Variants in SLC6A9 observed in about 807,000 individuals in gnomAD.
SLC6A9 encodes the protein solute carrier family 6 member 9.
A neutral mutation model predicts 70.9 loss-of-function variants in SLC6A9; 31 were observed. The ratio of observed to expected loss-of-function variants is 0.44; its 90% CI spans 0.33 to 0.59. SLC6A9 has a LOEUF of 0.59. SLC6A9 is among the 20% of genes least tolerant of loss of function. SLC6A9 has a pLI of 0.04. For synonymous variants in SLC6A9, 310 were observed against 341.3 expected, an observed-to-expected ratio of 0.91 and a Z score of 1.01; for missense variants, 631 against 845.2, an observed-to-expected ratio of 0.75 and a Z score of 3.14.
chr1:44,002,801 G>C lies in SLC6A9; in HGVS notation c.723+52C>G. 1 of 1,609,134 alleles carries C rather than the reference G, an allele frequency of 6.2e-7. No homozygotes were observed. The highest frequency in any genetic ancestry group is 1.3e-5 in the African/African-American group (1 of 74,908). On this transcript the variant is annotated intron_variant, in intron 6 of 13. Coordinates refer to ENST00000372310, the MANE Select transcript of SLC6A9 (RefSeq NM_001024845.3). The surrounding 1 kb of genome is among the most constrained non-coding windows in gnomAD (Gnocchi z 5.5). ...TGCAATACACACATAACCCAGGTAG[G>C]GGGCAGGGTCTTTCTGGGTGGGCAC...
Position 43,997,666 on chromosome 1 carries a change from G to A in SLC6A9, c.1781C>T (p.Ala594Val), listed in dbSNP as rs1027802048. Residue 594 changes from alanine (A) to valine (V), a missense_variant, in exon 14 of 14, where the codon GCC becomes GTC. Coordinates refer to ENST00000372310, the MANE Select transcript of SLC6A9 (RefSeq NM_001024845.3). The surrounding 1 kb of genome is among the most constrained non-coding windows in gnomAD (Gnocchi z 4.4). Reference protein sequence around the residue: ...ALLEHRTGRYAPTIAPSPEDG... With the variant: ...ALLEHRTGRYVPTIAPSPEDG... ...CTCAGGAGAGGGGGCTATGGTGGGG[G>A]CGTAGCGCCCTGTCCGGTGCTCCAG... 2.5e-6 allele frequency: 4 copies of A among 1,613,746 alleles called. No homozygotes were observed. Among genetic ancestry groups the A allele is most frequent in the African/African-American group, 2.7e-5 (2 of 74,918 alleles).
Position 44,018,241 on chromosome 1 carries a change from G to C in SLC6A9, c.30+6007C>G, listed in dbSNP as rs910695583. ...AACAGCTTTCCTGTGAGTTTGGTGAGTGTGGCAACCCCGTAGGGAACATAA... is the reference window on the plus strand; with the variant it reads ...AACAGCTTTCCTGTGAGTTTGGTGACTGTGGCAACCCCGTAGGGAACATAA... On this transcript the variant is annotated intron_variant, in intron 2 of 13. Transcript: ENST00000372310. The surrounding 1 kb of genome is among the most constrained non-coding windows in gnomAD (Gnocchi z 4.2). 1.3e-5 allele frequency among the ~76,000 whole-genome samples: 2 copies of C among 152,200 alleles called. No homozygotes were observed. The highest frequency in any genetic ancestry group is 4.8e-5 in the African/African-American group (2 of 41,460).
Position 44,002,591 on chromosome 1 carries a change from C to T in SLC6A9, c.779G>A (p.Arg260His), listed in dbSNP as rs1169543958. ...AAAGGCTCCCTCCAGGGTCACTCCG[C>T]GGACAAACAGAATGGTCAGCACCAC... Reference protein sequence around the residue: ...PYVVLTILFVRGVTLEGAFDG... With the variant: ...PYVVLTILFVHGVTLEGAFDG... The change falls in exon 7 of 14, where the codon CGC becomes CAC. Residue 260 changes from arginine to histidine, a missense_variant. By Grantham distance (29) the Arg-to-His change is conservative. Coordinates refer to ENST00000372310, the MANE Select transcript of SLC6A9 (RefSeq NM_001024845.3). The surrounding 1 kb of genome is among the most constrained non-coding windows in gnomAD (Gnocchi z 5.5). 6 of 1,613,964 alleles carry T rather than the reference C, an allele frequency of 3.7e-6. No homozygotes were observed. Among genetic ancestry groups the T allele is most frequent in the Admixed American group, 1.7e-5 (1 of 59,998 alleles).
chr1:44,008,398 A>G lies in SLC6A9; in HGVS notation c.545T>C (p.Leu182Pro). ...AALPSNLSHL[L>P]NHSLQRTSPS... is the part of the protein sequence containing the mutation. ...GCTGGTCCTCTGGAGGCTGTGGTTGAGCAGGTGGGAGAGGTTGCTGGGCAA... is the reference window on the plus strand; with the variant it reads ...GCTGGTCCTCTGGAGGCTGTGGTTGGGCAGGTGGGAGAGGTTGCTGGGCAA... Residue 182 changes from leucine (L) to proline (P), a missense_variant, in exon 5 of 14, where the codon CTC becomes CCC. Leu to Pro is a moderately conservative substitution (Grantham distance 98). Transcript: ENST00000372310. 1.2e-6 allele frequency: 2 copies of G among 1,614,060 alleles called. No homozygotes were observed. The highest frequency in any genetic ancestry group is 8.5e-7 in the Non-Finnish European group (1 of 1,179,934).
Position 44,002,659 on chromosome 1 carries a change from G to A in SLC6A9, c.724-13C>T, listed in dbSNP as rs200635179. On this transcript the variant is annotated splice_polypyrimidine_tract_variant and intron_variant, in intron 6 of 13. Transcript: ENST00000372310. This position sits in a 1 kb window ranked among gnomAD's most constrained non-coding sequence, Gnocchi z 5.5. ...TGAAGTACACCACCTGGCACAAGAG[G>A]GCTCCATGGACTCTTCTGGGCTCTC... 6.8e-6 allele frequency: 11 copies of A among 1,613,554 alleles called. No homozygotes were observed. Among genetic ancestry groups the A allele is most frequent in the Non-Finnish European group, 9.3e-6 (11 of 1,179,658 alleles).
chr1:44,009,639 C>T (rs902295193), intron 4 of SLC6A9, among the ~76,000 whole-genome samples: 3 of 152,140 alleles, frequency 2.0e-5, no homozygotes, highest in South Asian at 2.1e-4. Context: ...GTGCCTGGCC[C>T]GAGGTTAATA....
At chr1:44,000,177 G>A (rs971788118) in intron 12 of SLC6A9, among the ~76,000 whole-genome samples, 2 of 152,258 alleles carry the variant, frequency 1.3e-5, no homozygotes, top group African/African-American at 4.8e-5. Context: ...TGTGTGGAAA[G>A]TGCCTGCTTC....
chr1:44,011,746 C>G, intron 2 of SLC6A9: 1 of 1,612,024 alleles, frequency 6.2e-7, no homozygotes. Flanking sequence ...GGCCGAAGGT[C>G]AGGAGAGGCA....
At chr1:44,021,951 GA>G (rs2086891114) in intron 2 of SLC6A9, among the ~76,000 whole-genome samples, 1 of 152,236 alleles carries the variant, frequency 6.6e-6, no homozygotes, top group African/African-American at 2.4e-5. Context: ...AAGGAAGCAG[GA>G]ATAGAATCTC....
Position 43,998,019 on chromosome 1 carries a change from G to C in SLC6A9, c.1543C>G (p.Leu515Val). Residue 515 changes from leucine (L) to valine (V), a missense_variant, in exon 13 of 14, where the codon CTA (leucine) becomes GTA (valine). Leu to Val is a conservative substitution (Grantham distance 32, BLOSUM62 1). Transcript: ENST00000372310. Reference sequence around the variant, plus strand: ...TGGTACTGGATCACAGTGAAAACTAGAATAAACTGCACGGGGCAGGTGTGG... The same window carrying C: ...TGGTACTGGATCACAGTGAAAACTACAATAAACTGCACGGGGCAGGTGTGG... Reference protein sequence around the residue: ...FVSPAIIFFILVFTVIQYQPI... With the variant: ...FVSPAIIFFIVVFTVIQYQPI... 1 of 1,612,422 alleles carries C rather than the reference G, an allele frequency of 6.2e-7. No individual in the cohort carries two copies. Among genetic ancestry groups the C allele is most frequent in the Non-Finnish European group, 8.5e-7 (1 of 1,178,874 alleles).
Position 44,002,210 on chromosome 1 carries a change from G to T in SLC6A9, c.962+103C>A. The T allele has an allele frequency of 1.3e-6, 1 of 773,918 alleles. No individual in the cohort carries two copies. The highest frequency in any genetic ancestry group is 2.3e-6 in the Non-Finnish European group (1 of 433,794). The allele number at this position is 773,918 out of a possible 1,614,324, so 47.9% of individuals were successfully genotyped here. A position where few individuals can be genotyped will look rare whatever the true frequency, so the allele number is the denominator to read the frequency against. ...AGTATTCCCAGAACCTCAAGATCATGAGGGGAAAGGAGGCCTCGTGGGCCC... is the reference window on the plus strand; with the variant it reads ...AGTATTCCCAGAACCTCAAGATCATTAGGGGAAAGGAGGCCTCGTGGGCCC... On this transcript the variant is annotated intron_variant, in intron 8 of 13. Coordinates refer to ENST00000372310, the MANE Select transcript of SLC6A9 (RefSeq NM_001024845.3). The surrounding 1 kb of genome is among the most constrained non-coding windows in gnomAD (Gnocchi z 5.5).
rs775142112 is a variant in SLC6A9, at chr1:43,997,502, G to A, written c.*43C>T. 3.8e-6 allele frequency: 6 copies of A among 1,563,984 alleles called. No homozygotes were observed. The Admixed American group carries it at 8.7e-5, about 23-fold the overall frequency. On this transcript the variant is annotated 3_prime_UTR_variant, in exon 14 of 14. Transcript: ENST00000372310. The surrounding 1 kb of genome is among the most constrained non-coding windows in gnomAD (Gnocchi z 4.4). The stretch of plus-strand genomic sequence containing the variant: ...CTCTGCCTCACCAGTCTCTGCGGTG[G>A]GAGCACGGGGTGGGGGTGGGGCCAC...
chr1:44,022,045 A>T lies in SLC6A9; in HGVS notation c.30+2203T>A, dbSNP rs116058002. 9.2e-3 allele frequency among the ~76,000 whole-genome samples: 1,396 copies of T among 152,360 alleles called. 10 individuals carry two copies. Among genetic ancestry groups the T allele is most frequent in the Admixed American group, 0.015 (229 of 15,304 alleles). ...AGTGGGCAAAAGCCAAAGGGCAGAG[A>T]GCGGGGAGGAGAGCGAGCCCCAGCT... On this transcript the variant is annotated intron_variant, in intron 2 of 13. Coordinates refer to ENST00000372310, the MANE Select transcript of SLC6A9 (RefSeq NM_001024845.3).
In SLC6A9 at chr1:43,997,555, G is replaced by A. The variant is rs372648989; in HGVS notation, c.1892C>T (p.Ser631Phe). 9 of 1,613,300 alleles carry A rather than the reference G, an allele frequency of 5.6e-6. No homozygotes were observed. The South Asian group carries it at 6.6e-5, about 12-fold the overall frequency. ...GSNGSSRLQD[S>F]RI ...CCCTGGCAGCTGTGCTCATATCCGG[G>A]AGTCCTGGAGGCGGCTGGAGCCATT... The change falls in exon 14 of 14, where the codon TCC becomes TTC. Residue 631 changes from serine (S) to phenylalanine (F), a missense_variant. Physicochemically the swap from Ser to Phe is radical, Grantham distance 155. Transcript: ENST00000372310. The surrounding 1 kb of genome is among the most constrained non-coding windows in gnomAD (Gnocchi z 4.4).
At chr1:44,017,599 C>T (rs1291181614) in intron 2 of SLC6A9, among the ~76,000 whole-genome samples, 2 of 152,222 alleles carry the variant, frequency 1.3e-5, no homozygotes, top group African/African-American at 4.8e-5. Context: ...GTCCACAGGG[C>T]ACCACCAGAG....
chr1:44,006,868 G>A (rs558440966), intron 5 of SLC6A9, among the ~76,000 whole-genome samples: 32 of 152,268 alleles, frequency 2.1e-4, no homozygotes, highest in African/African-American at 7.5e-4. Flanking sequence ...AGTCCTTCAG[G>A]GTCAGAGTAC....
chr1:44,017,368 AACACACACACACACACACACAC>A (rs3038812), intron 2 of SLC6A9: 29 of 828,358 alleles, frequency 3.5e-5, no homozygotes, highest in African/African-American at 1.3e-4. Context: ...TAACTGGAAC[AACACACACACACACACACACAC>A]ACACACACAC....
chr1:44,009,220 T>A (rs1396873776), intron 4 of SLC6A9, among the ~76,000 whole-genome samples: 1 of 144,678 alleles, frequency 6.9e-6, no homozygotes, highest in African/African-American at 2.7e-5. Flanking sequence ...GAGATGGGGT[T>A]TCCTTTTTTT....
At position 44,026,246 on chromosome 1, in the gene SLC6A9, C is replaced by A. The variant is rs1018223589; in HGVS notation, c.-85-1884G>T. Among the ~76,000 whole-genome samples, 28 of 152,336 alleles carry A rather than the reference C, an allele frequency of 1.8e-4. No individual in the cohort carries two copies. In the East Asian group the frequency reaches 3.8e-3, roughly 21 times the overall value. On this transcript the variant is annotated intron_variant, in intron 1 of 13. Transcript: ENST00000372310. ...AAGTAGATCACACCTTGTCCTCTCT[C>A]ACCCCTGTGCCTCCCTCTCCAGGTG...
Sources: gnomAD v4.1 joint callset for allele counts (sites outside exome capture counted in the v4.1 genomes callset) on GRCh38, gnomAD v4.1.1 for gene constraint, Gnocchi (gnomAD v3.1) non-coding constraint, MANE v1.5 for transcripts, NCBI Gene and HGNC (gene_info 2026-07-23, HGNC 2026-07-21) for gene names.